Variants in RPH3AL observed in about 807,000 individuals in gnomAD.
RPH3AL encodes the protein rabphilin 3A like (without C2 domains).
In RPH3AL, 38 loss-of-function variants were observed where a neutral mutation model predicts 43.1. That is an observed-to-expected ratio of 0.88 (90% CI 0.68 to 1.15). The LOEUF (loss-of-function observed/expected upper bound fraction) is 1.15, where lower values mean the gene tolerates loss of function less well. RPH3AL is among the 50% of genes most tolerant of loss of function. The pLI, the probability that RPH3AL is intolerant of heterozygous loss-of-function variation, is 0.00. For synonymous variants in RPH3AL, 189 were observed against 176.3 expected (o/e 1.07, Z -0.57); for missense variants, 462 against 423.2 (o/e 1.09, Z -0.81).
chr17:326,196 C>T (rs184523169), intron 3 of RPH3AL, among the ~76,000 whole-genome samples: 4 of 152,350 alleles, frequency 2.6e-5, no homozygotes, highest in Admixed American at 6.5e-5. Context: ...ATGAAGGAGC[C>T]GAGCCCTCCT....
In RPH3AL at chr17:345,980, G is replaced by A. The variant is rs1444821340; in HGVS notation, c.-213+6732C>T. Among the ~76,000 whole-genome samples, 10 of 135,568 alleles carry A rather than the reference G, an allele frequency of 7.4e-5. 3 individuals are homozygous for A. The highest frequency in any genetic ancestry group is 2.3e-4 in the African/African-American group (9 of 39,586). The allele number at this position is 135,568 out of a possible 152,430, so 88.9% of individuals were successfully genotyped here. A position where few individuals can be genotyped will look rare whatever the true frequency, so the allele number is the denominator to read the frequency against. ...AAACACAAAATGTCACATGGGGGAG[G>A]TGAAAGGTTTGTCTGTCAATGATCA... is the stretch of plus-strand genomic sequence containing the variant. On this transcript the variant is annotated intron_variant, in intron 1 of 9. Transcript: ENST00000331302.
intron 7 of RPH3AL, among the ~76,000 whole-genome samples, chr17:241,593 C>T (rs1032429275): frequency 2.6e-5 from 4 of 151,896 alleles, no homozygotes; most frequent in Admixed American, 1.3e-4. Context: ...GGGTAAGAGC[C>T]TATTTTTATT....
chr17:244,820 T>C (rs959735083), intron 7 of RPH3AL, among the ~76,000 whole-genome samples: 2 of 152,200 alleles, frequency 1.3e-5, no homozygotes, highest in African/African-American at 4.8e-5. Context: ...CCCCAGGGTG[T>C]GCGCATGTGC....
At chr17:218,998 T>C (rs55737141) in intron 8 of RPH3AL, among the ~76,000 whole-genome samples, 35,344 of 151,862 alleles carry the variant, frequency 0.23, 4,891 homozygotes, top group Non-Finnish European at 0.3. Flanking sequence ...GCCAAGGGCA[T>C]GGGTGGCCTG....
chr17:245,951 CGAG>C lies in RPH3AL; in HGVS notation c.613+1157_613+1159del, dbSNP rs1416496308. On this transcript the variant is annotated intron_variant, in intron 7 of 9. Transcript: ENST00000331302. This position sits in a 1 kb window ranked among gnomAD's most constrained non-coding sequence, Gnocchi z 5.9. ...TGTACGCAGCATCCGGTAGGACCAG[CGAG>C]GAGAGGCTGCTATGAGGGAGTCGGG... Among the ~76,000 whole-genome samples, 1 of 152,118 alleles carries C rather than the reference CGAG, an allele frequency of 6.6e-6. No homozygotes were observed. The highest frequency in any genetic ancestry group is 2.4e-5 in the African/African-American group (1 of 41,418).
chr17:331,168 C>G (rs1041921687), intron 2 of RPH3AL: 3 of 154,146 alleles, frequency 1.9e-5, no homozygotes, highest in African/African-American at 7.3e-5. Flanking sequence ...CAGCCCAGTC[C>G]ACAGGACAGA....
chr17:337,099 C>A (rs115312555), intron 1 of RPH3AL, among the ~76,000 whole-genome samples: 7 of 150,180 alleles, frequency 4.7e-5, no homozygotes, highest in African/African-American at 1.7e-4. Flanking sequence ...ACTGGAACTA[C>A]GTACATCGGT....
chr17:275,696 G>A (rs1014303203), intron 6 of RPH3AL, among the ~76,000 whole-genome samples: 2 of 152,146 alleles, frequency 1.3e-5, no homozygotes, highest in Non-Finnish European at 2.9e-5. Context: ...ACAGGCGTGT[G>A]CCACTATACC....
At chr17:319,377 C>T in intron 5 of RPH3AL, 43 bp downstream of exon 5, 2 of 1,600,618 alleles carry the variant, frequency 1.2e-6, no homozygotes, top group East Asian at 4.5e-5. Context: ...GGGGCTGGTC[C>T]AGGCTGGGAA....
chr17:233,214 T>C (rs2041272788), intron 7 of RPH3AL, among the ~76,000 whole-genome samples: 1 of 152,120 alleles, frequency 6.6e-6, no homozygotes, highest in African/African-American at 2.4e-5. Context: ...GAGCCTGATC[T>C]GAGAGCTGCC....
intron 1 of RPH3AL, among the ~76,000 whole-genome samples, chr17:340,185 G>A (rs1196219943): frequency 6.6e-6 from 1 of 152,042 alleles, no homozygotes; most frequent in African/African-American, 2.4e-5. Context: ...CCTGCCATCA[G>A]ACAGGCTCTC....
intron 6 of RPH3AL, among the ~76,000 whole-genome samples, chr17:261,493 G>A (rs1555546211): frequency 1.3e-5 from 2 of 152,206 alleles, no homozygotes; most frequent in Non-Finnish European, 2.9e-5. Flanking sequence ...CCAGAGCTCT[G>A]AGAAACAAAT....
At chr17:350,042 T>C (rs6565714) in intron 1 of RPH3AL, among the ~76,000 whole-genome samples, 150,249 of 152,308 alleles carry the variant, frequency 0.99, 74,137 homozygotes, top group Middle Eastern at 1. Flanking sequence ...CTTTCAGAGG[T>C]GTAGGTTTGC....
chr17:273,380 G>T lies in RPH3AL; in HGVS notation c.438+8388C>A, dbSNP rs112683454. Among the ~76,000 whole-genome samples, 24 of 11,936 alleles carry T rather than the reference G, an allele frequency of 2.0e-3. 1 individual carries two copies. Among genetic ancestry groups the T allele is most frequent in the South Asian group, 5.8e-3 (1 of 172 alleles). 7.8% of individuals were successfully genotyped at this position (11,936 alleles called of 152,430 possible). The stretch of plus-strand genomic sequence containing the variant: ...AGGGAGAGACCCCAGCGAGGGTGAC[G>T]TCAGGGAGAGACCCCAGCGAGGGTG... On this transcript the variant is annotated intron_variant, in intron 6 of 9. Coordinates refer to ENST00000331302, the MANE Select transcript of RPH3AL (RefSeq NM_006987.4).
Position 328,686 on chromosome 17 carries a change from T to G in RPH3AL, c.-36-1107A>C, listed in dbSNP as rs1449215830. ...CAACTGATGAATGAGGAAAATGTGCTATATCCATACGATGATTATTATTTA... is the reference window on the plus strand; with the variant it reads ...CAACTGATGAATGAGGAAAATGTGCGATATCCATACGATGATTATTATTTA... On this transcript the variant is annotated intron_variant, in intron 2 of 9. Transcript: ENST00000331302. This position sits in a 1 kb window ranked among gnomAD's most constrained non-coding sequence, Gnocchi z 4.2. Among the ~76,000 whole-genome samples the G allele has an allele frequency of 2.0e-5, 3 of 152,230 alleles. No homozygotes were observed. Among genetic ancestry groups the G allele is most frequent in the Non-Finnish European group, 4.4e-5 (3 of 68,040 alleles).
chr17:315,073 C>T (rs564182263), intron 5 of RPH3AL, among the ~76,000 whole-genome samples: 4 of 123,272 alleles, frequency 3.2e-5, no homozygotes, highest in African/African-American at 9.6e-5. Context: ...AGTCCCTGTG[C>T]TCCACCTCCA....
intron 5 of RPH3AL, among the ~76,000 whole-genome samples, chr17:301,648 G>A (rs2043331592): frequency 6.6e-6 from 1 of 151,982 alleles, no homozygotes; most frequent in South Asian, 2.1e-4. Context: ...TTTATTGCCT[G>A]GGCTGGTCTC....
chr17:279,823 A>C (rs976081478), intron 6 of RPH3AL, among the ~76,000 whole-genome samples: 1 of 152,142 alleles, frequency 6.6e-6, no homozygotes, highest in African/African-American at 2.4e-5. Flanking sequence ...CAAAGGGGAG[A>C]TTTCTGGCTG....
Position 215,875 on chromosome 17 carries a change from G to A in RPH3AL, c.728-73C>T, listed in dbSNP as rs2040787500. 1 of 1,268,986 alleles carries A rather than the reference G, an allele frequency of 7.9e-7. No individual in the cohort carries two copies. The highest frequency in any genetic ancestry group is 1.6e-5 in the African/African-American group (1 of 64,068). 78.6% of individuals were successfully genotyped at this position (1,268,986 alleles called of 1,614,324 possible). ...GTGATCTCAGTCCAGTTCCTCGTTT[G>A]GAACTCTAGATCTCTATGGGATGTC... On this transcript the variant is annotated intron_variant, in intron 8 of 9. Transcript: ENST00000331302. This position sits in a 1 kb window ranked among gnomAD's most constrained non-coding sequence, Gnocchi z 4.1.
Sources: gnomAD v4.1 joint callset for allele counts (sites outside exome capture counted in the v4.1 genomes callset) on GRCh38, gnomAD v4.1.1 for gene constraint, Gnocchi (gnomAD v3.1) non-coding constraint, MANE v1.5 for transcripts, NCBI Gene and HGNC (gene_info 2026-07-23, HGNC 2026-07-21) for gene names.